UPP2: variants seen among roughly 807,000 people sequenced by gnomAD.
UPP2 encodes the protein uridine phosphorylase 2.
In UPP2, 23 loss-of-function variants were observed where a neutral mutation model predicts 26.7. The observed-to-expected ratio is 0.86, with a 90% CI of 0.62 to 1.22. The LOEUF (loss-of-function observed/expected upper bound fraction) is 1.22. UPP2 is among the 50% of genes most tolerant of loss of function. The pLI, the probability that UPP2 is intolerant of heterozygous loss-of-function variation, is 0.00. For missense variants in UPP2, 387 were observed against 396.7 expected, an observed-to-expected ratio of 0.98 and a Z score of 0.21; for synonymous variants, 127 against 141.3, an observed-to-expected ratio of 0.90 and a Z score of 0.72.
chr2:158,075,453 T>A (rs1682615841), intron 3 of UPP2, among the ~76,000 whole-genome samples: 1 of 151,914 alleles, frequency 6.6e-6, no homozygotes, highest in Non-Finnish European at 1.5e-5. Context: ...AAATAAGTCT[T>A]AAAACATTAA....
chr2:158,015,584 C>T (rs921625531), intron 2 of UPP2, among the ~76,000 whole-genome samples: 4 of 152,100 alleles, frequency 2.6e-5, no homozygotes, highest in African/African-American at 4.8e-5. Flanking sequence ...TAGTTATATA[C>T]GGATGTGGTT....
chr2:158,109,703 T>C lies in UPP2; in HGVS notation c.180+3487T>C, dbSNP rs545799301. On this transcript the variant is annotated intron_variant, in intron 2 of 6. Transcript: ENST00000005756. ...GGAAAGGAGGCTGAGATGTTAAGTT[T>C]AGCTGGGTGCCCAGAAAGAAGAGCA... Among the ~76,000 whole-genome samples the C allele has an allele frequency of 1.1e-3, 171 of 152,338 alleles. 1 individual carries two copies. The highest frequency in any genetic ancestry group is 3.9e-3 in the African/African-American group (163 of 41,580).
chr2:158,017,434 A>G (rs1049362496), intron 3 of UPP2, among the ~76,000 whole-genome samples: 3 of 152,158 alleles, frequency 2.0e-5, no homozygotes, highest in Admixed American at 2.0e-4. Flanking sequence ...AGCAGCAAGC[A>G]GGAGCAGGGA....
In UPP2 at chr2:158,089,717, A is replaced by G. The variant is rs199735138; in HGVS notation, c.148-12323A>G. ...ACCCCTGTATTTCACTTGACTCTCT[A>G]AATTCATCTCAGCTCCAGGTAAGGT... is the stretch of plus-strand genomic sequence containing the variant. On this transcript the variant is annotated intron_variant, in intron 3 of 9. Coordinates refer to the UPP2 transcript ENST00000605860. 9.2e-5 allele frequency among the ~76,000 whole-genome samples: 14 copies of G among 152,284 alleles called. No individual in the cohort carries two copies. The East Asian group carries it at 2.7e-3, about 29-fold the overall frequency.
At chr2:158,084,351 A>C (rs900993906) in intron 3 of UPP2, among the ~76,000 whole-genome samples, 1 of 150,064 alleles carries the variant, frequency 6.7e-6, no homozygotes, top group African/African-American at 2.4e-5. Flanking sequence ...TTTTGATGGG[A>C]TTTTTTTTTC....
intron 3 of UPP2, among the ~76,000 whole-genome samples, chr2:158,073,211 TC>T (rs1386412126): frequency 6.6e-6 from 1 of 151,968 alleles, no homozygotes; most frequent in Non-Finnish European, 1.5e-5. Context: ...GCATCAGAGT[TC>T]CTTAAGAGTA....
intron 3 of UPP2, among the ~76,000 whole-genome samples, chr2:158,046,931 A>G (rs1256863365): frequency 1.3e-5 from 2 of 152,204 alleles, no homozygotes; most frequent in East Asian, 3.8e-4. Flanking sequence ...CCATTATAGA[A>G]TAGAATGATT....
At chr2:158,074,132 G>A (rs552946335) in intron 3 of UPP2, among the ~76,000 whole-genome samples, 21 of 152,280 alleles carry the variant, frequency 1.4e-4, no homozygotes, top group Non-Finnish European at 2.9e-4. Flanking sequence ...AGCCAAGATT[G>A]TGCCACTGCA....
intron 2 of UPP2, among the ~76,000 whole-genome samples, chr2:158,111,631 C>T (rs1683322155): frequency 1.3e-5 from 2 of 152,066 alleles, no homozygotes; most frequent in African/African-American, 4.8e-5. Context: ...GTGTATTAAG[C>T]TCTGCTTTCC....
intron 3 of UPP2, among the ~76,000 whole-genome samples, chr2:158,028,578 C>T (rs989292362): frequency 6.6e-6 from 1 of 152,204 alleles, no homozygotes; most frequent in African/African-American, 2.4e-5. Context: ...CCAACCTCTG[C>T]ATGTTACCCA....
chr2:158,112,773 T>G (rs934843663), intron 2 of UPP2, among the ~76,000 whole-genome samples: 17 of 152,200 alleles, frequency 1.1e-4, no homozygotes, highest in African/African-American at 4.1e-4. Flanking sequence ...TAAAATGCAA[T>G]AGACCAGATT....
intron 2 of UPP2, among the ~76,000 whole-genome samples, chr2:158,113,507 C>T (rs1331644662): frequency 2.6e-5 from 4 of 152,144 alleles, no homozygotes; most frequent in African/African-American, 9.7e-5. Flanking sequence ...ATCAGAGAAA[C>T]TCATAAGAAG....
At position 158,134,956 on chromosome 2, in the gene UPP2, A is replaced by G; in HGVS notation, c.*66A>G. The G allele has an allele frequency of 1.3e-6, 2 of 1,496,922 alleles. No homozygotes were observed. The highest frequency in any genetic ancestry group is 2.4e-5 in the East Asian group (1 of 41,180). 92.7% of individuals were successfully genotyped at this position (1,496,922 alleles called of 1,614,324 possible). ...TAGCTCAAGTTGTAATGTGAAAGTC[A>G]TATTTTATTTGTGGCATTTTTATAT... On this transcript the variant is annotated 3_prime_UTR_variant, in exon 7 of 7. Transcript: ENST00000005756.
chr2:158,107,499 A>AG (rs1238130095), intron 2 of UPP2, among the ~76,000 whole-genome samples: 2 of 152,168 alleles, frequency 1.3e-5, no homozygotes, highest in Non-Finnish European at 2.9e-5. Context: ...TCATTGCACT[A>AG]GGAGGACCCT....
intron 3 of UPP2, among the ~76,000 whole-genome samples, chr2:158,116,464 G>C (rs919859893): frequency 2.6e-5 from 4 of 152,164 alleles, no homozygotes; most frequent in Non-Finnish European, 4.4e-5. Flanking sequence ...TGTCCTGTCT[G>C]GGAAAAAGAC....
At chr2:158,042,994 C>A (rs1684102000) in intron 3 of UPP2, among the ~76,000 whole-genome samples, 1 of 152,230 alleles carries the variant, frequency 6.6e-6, no homozygotes, top group Non-Finnish European at 1.5e-5. Flanking sequence ...CAGTCTCAAA[C>A]CCTCATTTCA....
At chr2:158,110,665 C>T (rs899636937) in intron 2 of UPP2, among the ~76,000 whole-genome samples, 2 of 152,166 alleles carry the variant, frequency 1.3e-5, no homozygotes, top group African/African-American at 2.4e-5. Context: ...TCCACATCCT[C>T]TCCAGCATCT....
At chr2:158,130,855 T>G (rs539132010) in intron 6 of UPP2, among the ~76,000 whole-genome samples, 5 of 152,310 alleles carry the variant, frequency 3.3e-5, no homozygotes, top group African/African-American at 1.2e-4. Context: ...TTAGTATGTC[T>G]GGAATAAAGC....
intron 3 of UPP2, among the ~76,000 whole-genome samples, chr2:158,069,537 T>C (rs1202795166): frequency 6.6e-6 from 1 of 152,214 alleles, no homozygotes; most frequent in Non-Finnish European, 1.5e-5. Context: ...TAAATACAGC[T>C]TATTTAGTGC....
Sources: gnomAD v4.1 joint callset for allele counts (sites outside exome capture counted in the v4.1 genomes callset) on GRCh38, gnomAD v4.1.1 for gene constraint, MANE v1.5 for transcripts, NCBI Gene and HGNC (gene_info 2026-07-23, HGNC 2026-07-21) for gene names.